The following ADGRD1 variants were observed in gnomAD, a reference collection of about 807,000 sequenced individuals.
The protein encoded by ADGRD1 is adhesion G protein-coupled receptor D1.
ADGRD1 carries 77 observed loss-of-function variants against 113.4 expected under a neutral mutation model. The observed-to-expected ratio is 0.68, with a 90% confidence interval of 0.57 to 0.82. ADGRD1 has a LOEUF of 0.82. Ranked by LOEUF, ADGRD1 falls within the 40% of genes least tolerant of loss-of-function variation. The pLI is 0.00. For synonymous variants in ADGRD1, 474 were observed against 475.0 expected (o/e 1.00, Z 0.03); for missense variants, 1,036 against 1,139.1 (o/e 0.91, Z 1.30).
intron 4 of ADGRD1, among the ~76,000 whole-genome samples, chr12:130,974,228 G>A (rs1378087750): frequency 6.6e-6 from 1 of 152,176 alleles, no homozygotes; most frequent in Non-Finnish European, 1.5e-5. Context: ...GGGAAGACCT[G>A]CCCAGCATTT....
At chr12:131,066,910 G>T (rs929874097) in intron 13 of ADGRD1, among the ~76,000 whole-genome samples, 2 of 152,212 alleles carry the variant, frequency 1.3e-5, no homozygotes, top group Non-Finnish European at 2.9e-5. Context: ...GCAACTTTAA[G>T]GGCCTCGGCT....
intron 13 of ADGRD1, among the ~76,000 whole-genome samples, chr12:131,047,717 G>A (rs577863220): frequency 2.3e-4 from 35 of 152,318 alleles, no homozygotes; most frequent in African/African-American, 8.2e-4. Flanking sequence ...CTGGGGGTTG[G>A]GTGAAGCCAT....
intron 13 of ADGRD1, among the ~76,000 whole-genome samples, chr12:131,021,604 G>A (rs1195901): frequency 0.6 from 90,905 of 151,954 alleles, 27,775 homozygotes; most frequent in East Asian, 0.78. Flanking sequence ...TCAAGGTGTC[G>A]GTAGGTTTGG....
intron 15 of ADGRD1, among the ~76,000 whole-genome samples, chr12:131,087,362 C>T (rs936755724): frequency 5.9e-5 from 9 of 152,298 alleles, no homozygotes; most frequent in Non-Finnish European, 1.0e-4. Flanking sequence ...TGCTTTGGAG[C>T]CTGGACCCAG....
At chr12:131,083,788 G>C (rs574487976) in intron 14 of ADGRD1, among the ~76,000 whole-genome samples, 5 of 152,286 alleles carry the variant, frequency 3.3e-5, no homozygotes, top group African/African-American at 1.2e-4. Flanking sequence ...CGTTATTCAC[G>C]TAAAAAGTAA....
intron 13 of ADGRD1, among the ~76,000 whole-genome samples, chr12:131,040,892 C>T (rs1212201169): frequency 6.6e-6 from 1 of 152,254 alleles, no homozygotes; most frequent in East Asian, 1.9e-4. Flanking sequence ...CCAATATTTA[C>T]ATCAGACGAT....
intron 17 of ADGRD1, among the ~76,000 whole-genome samples, chr12:131,107,834 G>A (rs1950267499): frequency 6.6e-6 from 1 of 152,190 alleles, no homozygotes; most frequent in Non-Finnish European, 1.5e-5. Flanking sequence ...TTTCTTCTCT[G>A]AGAACTAACT....
chr12:131,123,922 C>T (rs1950673552), intron 20 of ADGRD1, among the ~76,000 whole-genome samples: 1 of 152,158 alleles, frequency 6.6e-6, no homozygotes, highest in Non-Finnish European at 1.5e-5. Flanking sequence ...GTTTTCTTGG[C>T]ACACAGCCAC....
intron 10 of ADGRD1, 93 bp from the exon 11 acceptor site, chr12:131,004,093 C>A: frequency 1.4e-6 from 1 of 738,430 alleles, no homozygotes; most frequent in Non-Finnish European, 2.4e-6. Context: ...CTTGTCCTGT[C>A]AAAAAAGAAA....
At chr12:131,059,024 C>T (rs1041460787) in intron 13 of ADGRD1, among the ~76,000 whole-genome samples, 1 of 152,178 alleles carries the variant, frequency 6.6e-6, no homozygotes, top group East Asian at 1.9e-4. Flanking sequence ...CCCACGGGTC[C>T]TCAAGGCTCT....
At chr12:131,014,596 G>A (rs973365798) in intron 13 of ADGRD1, among the ~76,000 whole-genome samples, 2 of 152,192 alleles carry the variant, frequency 1.3e-5, no homozygotes, top group African/African-American at 2.4e-5. Context: ...TCTCCTAGAC[G>A]TGTGGAGCGA....
At chr12:131,053,468 T>C (rs1883583326) in intron 13 of ADGRD1, among the ~76,000 whole-genome samples, 1 of 152,194 alleles carries the variant, frequency 6.6e-6, no homozygotes, top group African/African-American at 2.4e-5. Flanking sequence ...AACATAGTGA[T>C]TTAGAGAGGA....
intron 21 of ADGRD1, 136 bp downstream of exon 21, chr12:131,131,952 A>G (rs972440707): frequency 3.0e-6 from 2 of 660,026 alleles, no homozygotes; most frequent in Admixed American, 2.4e-5. Flanking sequence ...TGTCCCTGCC[A>G]TCTCAGGGCA....
intron 15 of ADGRD1, among the ~76,000 whole-genome samples, chr12:131,094,827 G>A (rs116347630): frequency 6.6e-6 from 1 of 152,314 alleles, no homozygotes; most frequent in African/African-American, 2.4e-5. Context: ...CGCTGTTCCC[G>A]CCCCGCCTTA....
At chr12:131,127,780 T>G (rs1450651131) in intron 20 of ADGRD1, among the ~76,000 whole-genome samples, 121 of 106,252 alleles carry the variant, frequency 1.1e-3, no homozygotes, top group Middle Eastern at 6.8e-3. Context: ...GTGTTGGTTG[T>G]GTTGGTTGTG....
rs1871292124 is a variant in ADGRD1 at position 130,968,813 on chromosome 12, G to C, written c.187+2267G>C. 5.0e-6 allele frequency: 3 copies of C among 598,918 alleles called. No individual in the cohort carries two copies. In the East Asian group the frequency reaches 8.5e-5, roughly 17 times the overall value. 37.1% of individuals were successfully genotyped at this position (598,918 alleles called of 1,614,324 possible). On this transcript the variant is annotated intron_variant, in intron 3 of 24. Transcript: ENST00000261654. ...CCGAGCTGCTGACCAAAGTAAACAA[G>C]GGTGGTGGAGGCTGGGGGATGTGAG...
At chr12:131,043,376 GC>G in intron 13 of ADGRD1, among the ~76,000 whole-genome samples, 1 of 152,338 alleles carries the variant, frequency 6.6e-6, no homozygotes, top group South Asian at 2.1e-4. Context: ...GCATCTTTGG[GC>G]CCCTGGACTG....
intron 15 of ADGRD1, among the ~76,000 whole-genome samples, chr12:131,086,004 C>T (rs967128788): frequency 6.6e-6 from 1 of 152,118 alleles, no homozygotes; most frequent in Admixed American, 6.5e-5. Context: ...TGTCTCTGAT[C>T]ACAGCAGCTC....
chr12:131,123,055 T>G (rs4759849), intron 20 of ADGRD1, among the ~76,000 whole-genome samples: 1,315 of 115,404 alleles, frequency 0.011, 6 homozygotes, highest in East Asian at 0.016. Context: ...TTTTTTTTTT[T>G]TTTTTTTTTT....
Sources: allele counts gnomAD v4.1 joint callset (sites outside exome capture counted in the v4.1 genomes callset), GRCh38; gene constraint gnomAD v4.1.1; transcripts MANE v1.5; gene names NCBI Gene and HGNC (gene_info 2026-07-23, HGNC 2026-07-21).